Variants in YTHDF1 observed in about 807,000 individuals in gnomAD.
The protein encoded by YTHDF1 is YTH N6-methyladenosine RNA binding protein F1.
YTHDF1 carries 16 observed loss-of-function variants against 49.1 expected under a neutral mutation model. The ratio of observed to expected loss-of-function variants is 0.33; its 90% confidence interval spans 0.22 to 0.49. YTHDF1 has a LOEUF of 0.49. Ranked by LOEUF, YTHDF1 falls within the 20% of genes least tolerant of loss-of-function variation. The probability of loss-of-function intolerance (pLI) is 0.99; values close to 1 mark genes in which losing one functional copy is unlikely to be tolerated. For synonymous variants in YTHDF1, 313 were observed against 290.1 expected, an observed-to-expected ratio of 1.08 and a Z score of -0.80; for missense variants, 621 against 744.3, an observed-to-expected ratio of 0.83 and a Z score of 1.93.
At chr20:63,197,768 A>T (rs2066499284) in intron 4 of YTHDF1, among the ~76,000 whole-genome samples, 2 of 152,130 alleles carry the variant, frequency 1.3e-5, no homozygotes, top group Non-Finnish European at 2.9e-5. Flanking sequence ...AAAAAGATGC[A>T]TCCCAGGCAC....
At position 63,203,688 on chromosome 20, in the gene YTHDF1, T is replaced by C. The variant is rs1442871401; in HGVS notation, c.252A>G (p.Pro84=). The C allele has an allele frequency of 2.5e-6, 4 of 1,614,110 alleles. No homozygotes were observed. The highest frequency in any genetic ancestry group is 3.4e-6 in the Non-Finnish European group (4 of 1,180,018). Residue 84 remains proline (P), a synonymous_variant, in exon 4 of 5, where the codon CCA becomes CCG. Transcript: ENST00000370339. This position sits in a 1 kb window ranked among gnomAD's most constrained non-coding sequence, Gnocchi z 4.4. ...TGAGCTGTCCGTAGGTGGTGAGGTA[T>C]GGAATCGGAGGGTCCCCTGCAGTAG... is the stretch of plus-strand genomic sequence containing the variant. ...PWSTAGDPPI[P]YLTTYGQLSN... is the part of the protein sequence containing the mutation.
intron 3 of YTHDF1, among the ~76,000 whole-genome samples, chr20:63,209,500 T>C (rs1259160405): frequency 6.6e-6 from 1 of 152,228 alleles, no homozygotes; most frequent in Non-Finnish European, 1.5e-5. Context: ...CCAGGCACAG[T>C]GGCTCATGCC....
At chr20:63,214,103 C>T (rs1290131017) in intron 2 of YTHDF1, 160 bp from the exon 3 acceptor site, 28 of 966,840 alleles carry the variant, frequency 2.9e-5, no homozygotes, top group Non-Finnish European at 3.4e-5. Context: ...GTTTATACAA[C>T]TAATTAGAAG....
chr20:63,215,847 T>C lies in YTHDF1; in HGVS notation c.27+19A>G. 3 of 1,456,964 alleles carry C rather than the reference T, an allele frequency of 2.1e-6. No individual in the cohort carries two copies. Among genetic ancestry groups the C allele is most frequent in the South Asian group, 1.3e-5 (1 of 74,830 alleles). 90.3% of individuals were successfully genotyped at this position (1,456,964 alleles called of 1,614,324 possible). A position where few individuals can be genotyped will look rare whatever the true frequency, so the allele number is the denominator to read the frequency against. On this transcript the variant is annotated intron_variant, in intron 1 of 4. Coordinates refer to ENST00000370339, the MANE Select transcript of YTHDF1 (RefSeq NM_017798.4). ...GCGCCTCGGCCCCGGCCGCGGCCCC[T>C]GTAACCCGGCCCCGCTACCTGGGTG...
rs1488886315 is a variant in YTHDF1, at chr20:63,195,483, A to C, written c.*1225T>G. ...TGTATTCTCCTAGAGGAAAAACCCA[A>C]TGTCGTCCAGGACTCCATTCAGGCA... On this transcript the variant is annotated 3_prime_UTR_variant, in exon 5 of 5. Transcript: ENST00000370339. The C allele has an allele frequency of 6.5e-6, 1 of 152,690 alleles. No homozygotes were observed. Among genetic ancestry groups the C allele is most frequent in the Admixed American group, 6.5e-5 (1 of 15,288 alleles). 9.5% of individuals were successfully genotyped at this position (152,690 alleles called of 1,614,324 possible). A position where few individuals can be genotyped will look rare whatever the true frequency, so the allele number is the denominator to read the frequency against.
chr20:63,203,953 C>T lies in YTHDF1; in HGVS notation c.133-146G>A. On this transcript the variant is annotated intron_variant, in intron 3 of 4. Coordinates refer to ENST00000370339, the MANE Select transcript of YTHDF1 (RefSeq NM_017798.4). The surrounding 1 kb of genome is among the most constrained non-coding windows in gnomAD (Gnocchi z 4.4). ...CCTTCCAGAAAGAAAGCTGTAGTCG[C>T]CAATGTGAGAACCAAATCAAGACAG... 1 of 724,518 alleles carries T rather than the reference C, an allele frequency of 1.4e-6. No homozygotes were observed. Among genetic ancestry groups the T allele is most frequent in the East Asian group, 2.8e-5 (1 of 36,230 alleles). 44.9% of individuals were successfully genotyped at this position (724,518 alleles called of 1,614,324 possible).
chr20:63,200,052 C>G (rs965721986), intron 4 of YTHDF1, among the ~76,000 whole-genome samples: 4 of 151,418 alleles, frequency 2.6e-5, no homozygotes, highest in Admixed American at 1.3e-4. Context: ...AGACCTGTCT[C>G]AAAAACAAAA....
intron 1 of YTHDF1, 83 bp downstream of exon 1, chr20:63,215,783 G>C: frequency 2.8e-6 from 4 of 1,411,922 alleles, no homozygotes; most frequent in South Asian, 2.9e-5. Flanking sequence ...CGCGACCCCG[G>C]GCTCTGCGTT....
Position 63,214,815 on chromosome 20 carries a change from T to C in YTHDF1, c.52+762A>G, listed in dbSNP as rs566878978. Among the ~76,000 whole-genome samples, 6 of 152,322 alleles carry C rather than the reference T, an allele frequency of 3.9e-5. No individual in the cohort carries two copies. The South Asian group carries it at 1.2e-3, about 32-fold the overall frequency. ...GGGAAGTATGTAACTTTTTTTGTCT[T>C]AGAAGCTATCTTTTTCAGGAATAGA... On this transcript the variant is annotated intron_variant, in intron 2 of 4. Coordinates refer to ENST00000370339, the MANE Select transcript of YTHDF1 (RefSeq NM_017798.4).
chr20:63,211,960 TACACACACACACACACACACACACACAC>T lies in YTHDF1; in HGVS notation c.132+1876_132+1903del, dbSNP rs57357558. 1.9e-3 allele frequency among the ~76,000 whole-genome samples: 280 copies of T among 143,834 alleles called. 3 individuals carry two copies. The highest frequency in any genetic ancestry group is 7.0e-3 in the African/African-American group (265 of 37,728). 94.4% of individuals were successfully genotyped at this position (143,834 alleles called of 152,430 possible). A position where few individuals can be genotyped will look rare whatever the true frequency, so the allele number is the denominator to read the frequency against. ...TAACAGCAGGACCCTGTCTCCAAAA[TACACACACACACACACACACACACACAC>T]ACACACACACACACACACACTTTTA... is the stretch of plus-strand genomic sequence containing the variant. On this transcript the variant is annotated intron_variant, in intron 3 of 4. Transcript: ENST00000370339.
At chr20:63,197,258 G>C (rs1188235944) in intron 4 of YTHDF1, among the ~76,000 whole-genome samples, 1 of 152,120 alleles carries the variant, frequency 6.6e-6, no homozygotes, top group Admixed American at 6.5e-5. Flanking sequence ...AAGGGCAGGA[G>C]GACCGGTGTG....
rs368706596 is a variant in YTHDF1, at chr20:63,205,082, C to T, written c.133-1275G>A. Among the ~76,000 whole-genome samples the T allele has an allele frequency of 6.6e-5, 10 of 152,202 alleles. No individual in the cohort carries two copies. The South Asian group carries it at 1.5e-3, about 22-fold the overall frequency. ...CCCGTTTTTGGATTTTTAGTTTTCC[C>T]GCTCCCCGCCCCCCAGTCCCCCAAG... On this transcript the variant is annotated intron_variant, in intron 3 of 4. Coordinates refer to ENST00000370339, the MANE Select transcript of YTHDF1 (RefSeq NM_017798.4).
At chr20:63,212,922 C>G (rs571153132) in intron 3 of YTHDF1, among the ~76,000 whole-genome samples, 12 of 152,292 alleles carry the variant, frequency 7.9e-5, no homozygotes, top group African/African-American at 2.9e-4. Flanking sequence ...TCCACAGTGC[C>G]AAGGCAGAGA....
chr20:63,203,324 C>G lies in YTHDF1; in HGVS notation c.616G>C (p.Val206Leu). Reference protein sequence around the residue: ...SSSAVKTVGSVVSSVALTGVL... With the variant: ...SSSAVKTVGSLVSSVALTGVL... ...CCAGTCAGTGCCACGCTGCTGACGA[C>G]AGAGCCCACCGTCTTGACGGCGGAG... The change falls in exon 4 of 5, where the codon GTC (valine) becomes CTC (leucine). Residue 206 changes from valine (V) to leucine (L), a missense_variant. Physicochemically the swap from Val to Leu is conservative, Grantham distance 32 (BLOSUM62 1). This residue lies in a region of YTHDF1 where 470 missense variants were observed against 495.8 expected (regional missense o/e 0.95). Coordinates refer to ENST00000370339, the MANE Select transcript of YTHDF1 (RefSeq NM_017798.4). The surrounding 1 kb of genome is among the most constrained non-coding windows in gnomAD (Gnocchi z 4.4). 1 of 1,613,526 alleles carries G rather than the reference C, an allele frequency of 6.2e-7. No homozygotes were observed. Among genetic ancestry groups the G allele is most frequent in the Non-Finnish European group, 8.5e-7 (1 of 1,179,944 alleles).
chr20:63,215,971 C>T lies in YTHDF1; in HGVS notation c.-79G>A, dbSNP rs2066600543. 2 of 1,176,076 alleles carry T rather than the reference C, an allele frequency of 1.7e-6. No homozygotes were observed. The highest frequency in any genetic ancestry group is 1.6e-5 in the African/African-American group (1 of 62,134). The allele number at this position is 1,176,076 out of a possible 1,614,324, so 72.9% of individuals were successfully genotyped here. The stretch of plus-strand genomic sequence containing the variant: ...CTAGAGGCCGGGCCTGTCACCCTAG[C>T]TCGCGCGGCCCCGGGCCCCGCCGCC... On this transcript the variant is annotated 5_prime_UTR_variant, in exon 1 of 5. Transcript: ENST00000370339.
chr20:63,213,947 GAAC>G lies in YTHDF1; in HGVS notation c.53-7_53-5del. 1 of 1,568,530 alleles carries G rather than the reference GAAC, an allele frequency of 6.4e-7. No homozygotes were observed. The highest frequency in any genetic ancestry group is 8.6e-7 in the Non-Finnish European group (1 of 1,167,030). ...TGATGTAACGAACCATTTTGTACTA[GAAC>G]AAAAAGTTGCAAAATATTACCCTCA... On this transcript the variant is annotated splice_region_variant and splice_polypyrimidine_tract_variant and intron_variant, in intron 2 of 4. Coordinates refer to ENST00000370339, the MANE Select transcript of YTHDF1 (RefSeq NM_017798.4).
chr20:63,195,459 G>A lies in YTHDF1; in HGVS notation c.*1249C>T, dbSNP rs1005388734. On this transcript the variant is annotated 3_prime_UTR_variant, in exon 5 of 5. Coordinates refer to ENST00000370339, the MANE Select transcript of YTHDF1 (RefSeq NM_017798.4). ...TAAATAGTATTGTTTATTAAGGCTTGTATTCTCCTAGAGGAAAAACCCAAT... is the reference window on the plus strand; with the variant it reads ...TAAATAGTATTGTTTATTAAGGCTTATATTCTCCTAGAGGAAAAACCCAAT... 2.0e-5 allele frequency: 3 copies of A among 152,626 alleles called. No individual in the cohort carries two copies. The highest frequency in any genetic ancestry group is 7.2e-5 in the African/African-American group (3 of 41,452). 9.5% of individuals were successfully genotyped at this position (152,626 alleles called of 1,614,324 possible). A position where few individuals can be genotyped will look rare whatever the true frequency, so the allele number is the denominator to read the frequency against.
intron 4 of YTHDF1, among the ~76,000 whole-genome samples, chr20:63,201,513 C>T (rs2066517128): frequency 6.6e-6 from 1 of 152,174 alleles, no homozygotes; most frequent in Non-Finnish European, 1.5e-5. Context: ...TTCTGAAGAG[C>T]AAACACACTC....
At position 63,202,338 on chromosome 20, in the gene YTHDF1, G is replaced by A. The variant is rs753814936; in HGVS notation, c.1602C>T (p.Asp534=). ...SSYKHTTSIF[D]DFAHYEKRQE... is the part of the protein sequence containing the mutation. ...GGCGCTTCTCGTAGTGAGCAAAGTCGTCGAAGATGGAGGTTGTGTGCTTGT... is the reference window on the plus strand; with the variant it reads ...GGCGCTTCTCGTAGTGAGCAAAGTCATCGAAGATGGAGGTTGTGTGCTTGT... Residue 534 remains aspartate, a synonymous_variant, in exon 4 of 5, where the codon GAC becomes GAT. Coordinates refer to ENST00000370339, the MANE Select transcript of YTHDF1 (RefSeq NM_017798.4). 1.2e-5 allele frequency: 20 copies of A among 1,614,138 alleles called. No homozygotes were observed. Among genetic ancestry groups the A allele is most frequent in the African/African-American group, 1.2e-4 (9 of 74,952 alleles).
Sources: allele counts gnomAD v4.1 joint callset (sites outside exome capture counted in the v4.1 genomes callset), GRCh38; gene constraint gnomAD v4.1.1; regional missense constraint gnomAD v4.1.1; non-coding constraint Gnocchi (gnomAD v3.1); transcripts MANE v1.5; gene names NCBI Gene and HGNC (gene_info 2026-07-23, HGNC 2026-07-21).